The following TCF12 variants were observed in gnomAD, a reference collection of about 807,000 sequenced individuals.
TCF12 encodes the protein DNA-binding protein HTF4.
A neutral mutation model predicts 86.0 loss-of-function variants in TCF12; 45 were observed. The observed-to-expected ratio is 0.52, with a 90% CI of 0.41 to 0.67. The LOEUF is 0.67. Among genes scored for constraint, TCF12 ranks in the 30% least tolerant of loss-of-function variants. The probability of loss-of-function intolerance (pLI) is 0.00; values close to 1 mark genes in which losing one functional copy is unlikely to be tolerated. For synonymous variants in TCF12, 330 were observed against 299.6 expected, an observed-to-expected ratio of 1.10 and a Z score of -1.05; for missense variants, 881 against 859.9, an observed-to-expected ratio of 1.02 and a Z score of -0.31.
At chr15:57,167,643 A>T (rs1282526941) in intron 6 of TCF12, among the ~76,000 whole-genome samples, 1 of 152,076 alleles carries the variant, frequency 6.6e-6, no homozygotes, top group Non-Finnish European at 1.5e-5. Context: ...AAATAAATAT[A>T]TTGTAAAAAT....
At chr15:57,035,054 T>C (rs569962699) in intron 3 of TCF12, among the ~76,000 whole-genome samples, 8 of 152,186 alleles carry the variant, frequency 5.3e-5, no homozygotes, top group Non-Finnish European at 8.8e-5. Context: ...ATGTTAATAA[T>C]ATTAACATTT....
intron 3 of TCF12, among the ~76,000 whole-genome samples, chr15:56,962,958 A>G (rs900264736): frequency 2.6e-5 from 4 of 151,060 alleles, no homozygotes; most frequent in African/African-American, 7.3e-5. Context: ...CATGATTTAT[A>G]TATTTAAAAA....
At chr15:57,086,753 T>C (rs1358263336) in intron 4 of TCF12, among the ~76,000 whole-genome samples, 3 of 151,194 alleles carry the variant, frequency 2.0e-5, no homozygotes, top group African/African-American at 4.8e-5. Context: ...GAAAAATTTT[T>C]TAATAGAATT....
At chr15:56,922,999 C>G (rs989104174) in intron 3 of TCF12, among the ~76,000 whole-genome samples, 1 of 151,930 alleles carries the variant, frequency 6.6e-6, no homozygotes, top group East Asian at 1.9e-4. Flanking sequence ...ACTCTAATGC[C>G]TATGTATTTG....
chr15:57,007,008 A>T (rs1444121846), intron 3 of TCF12, among the ~76,000 whole-genome samples: 1 of 152,216 alleles, frequency 6.6e-6, no homozygotes, highest in African/African-American at 2.4e-5. Flanking sequence ...AGATTTTTTT[A>T]GGTAAGTACT....
At chr15:57,223,685 C>G (rs2058734592) in intron 8 of TCF12, among the ~76,000 whole-genome samples, 1 of 62,954 alleles carries the variant, frequency 1.6e-5, no homozygotes, top group African/African-American at 4.2e-5. Flanking sequence ...AATAGAGTAG[C>G]AAGTAAGTAA....
intron 8 of TCF12, among the ~76,000 whole-genome samples, chr15:57,228,112 T>G (rs1174197896): frequency 2.6e-5 from 4 of 151,938 alleles, no homozygotes; most frequent in Non-Finnish European, 5.9e-5. Context: ...AGACTTGCTC[T>G]TTTTGTGGAA....
At chr15:57,263,753 G>A (rs1294373533) in intron 18 of TCF12, among the ~76,000 whole-genome samples, 1 of 152,160 alleles carries the variant, frequency 6.6e-6, no homozygotes, top group Non-Finnish European at 1.5e-5. Flanking sequence ...TTCCTAGGCT[G>A]TATACCTGTA....
chr15:56,922,006 T>C (rs1398948212), intron 3 of TCF12, among the ~76,000 whole-genome samples: 1 of 151,886 alleles, frequency 6.6e-6, no homozygotes, highest in Non-Finnish European at 1.5e-5. Flanking sequence ...TTTTTTGGAT[T>C]TTAAGTAGGG....
intron 5 of TCF12, among the ~76,000 whole-genome samples, chr15:57,122,569 A>T (rs1480647054): frequency 2.0e-5 from 3 of 152,224 alleles, no homozygotes. Flanking sequence ...TTGAGGAAGT[A>T]GAACGAACTC....
rs144046791 is a variant in TCF12 at position 57,001,770 on chromosome 15, C to T, written c.149-61980C>T. Among the ~76,000 whole-genome samples, 550 of 152,226 alleles carry T rather than the reference C, an allele frequency of 3.6e-3. 5 individuals are homozygous for T. Among genetic ancestry groups the T allele is most frequent in the African/African-American group, 0.013 (522 of 41,514 alleles). On this transcript the variant is annotated intron_variant, in intron 3 of 20. Coordinates refer to ENST00000333725, the MANE Select transcript of TCF12 (RefSeq NM_207037.2). ...TCATCACATCAATAGGACATATTTT[C>T]GAGTGACTGGTTCCTAGTTCTGCCT... is the stretch of plus-strand genomic sequence containing the variant.
At chr15:57,027,449 T>C (rs1157581617) in intron 3 of TCF12, among the ~76,000 whole-genome samples, 1 of 152,226 alleles carries the variant, frequency 6.6e-6, no homozygotes, top group Non-Finnish European at 1.5e-5. Flanking sequence ...AGTGCTGATT[T>C]GGCCATTCGT....
chr15:57,212,310 GTC>G (rs1358617805), intron 8 of TCF12, among the ~76,000 whole-genome samples: 1 of 151,900 alleles, frequency 6.6e-6, no homozygotes, highest in East Asian at 1.9e-4. Context: ...TCTAGAGACG[GTC>G]TCTCTCTGTC....
intron 9 of TCF12, 63 bp downstream of exon 9, chr15:57,231,320 A>G (rs567279005): frequency 3.9e-6 from 5 of 1,274,648 alleles, no homozygotes; most frequent in Non-Finnish European, 4.6e-6. Flanking sequence ...CCAGTATTTT[A>G]AAGTATTAGG....
chr15:56,952,842 T>G, intron 3 of TCF12, among the ~76,000 whole-genome samples: 1 of 152,176 alleles, frequency 6.6e-6, no homozygotes, highest in East Asian at 1.9e-4. Context: ...CTTTCCAATC[T>G]GGATGCCTTT....
At position 56,965,077 on chromosome 15, in the gene TCF12, A is replaced by G. The variant is rs779152422; in HGVS notation, c.148+43979A>G. ...AATGACACTTAAGTGGTAGTATTCT[A>G]GATGCTTAGGAGATGCCTACAGTGG... On this transcript the variant is annotated intron_variant, in intron 3 of 20. Transcript: ENST00000333725. 5.4e-4 allele frequency among the ~76,000 whole-genome samples: 82 copies of G among 152,202 alleles called. 1 individual carries two copies. The highest frequency in any genetic ancestry group is 9.7e-4 in the Non-Finnish European group (66 of 68,020).
intron 3 of TCF12, among the ~76,000 whole-genome samples, chr15:57,019,589 T>C (rs2065351482): frequency 6.6e-6 from 1 of 152,120 alleles, no homozygotes; most frequent in Middle Eastern, 3.2e-3. Context: ...AAAAACGGTC[T>C]TCATGTGCTG....
intron 3 of TCF12, among the ~76,000 whole-genome samples, chr15:56,944,217 A>G (rs1438459557): frequency 6.6e-6 from 1 of 152,210 alleles, no homozygotes; most frequent in African/African-American, 2.4e-5. Context: ...TATAACAGAC[A>G]GTGAATTAAA....
intron 5 of TCF12, among the ~76,000 whole-genome samples, chr15:57,119,735 A>G (rs1179723521): frequency 6.6e-6 from 1 of 152,122 alleles, no homozygotes; most frequent in East Asian, 1.9e-4. Context: ...CTGATTTAGC[A>G]GATCCTTGGT....
Sources: allele counts gnomAD v4.1 joint callset (sites outside exome capture counted in the v4.1 genomes callset), GRCh38; gene constraint gnomAD v4.1.1; transcripts MANE v1.5; gene names NCBI Gene and HGNC (gene_info 2026-07-23, HGNC 2026-07-21).